INTS8: variants seen among roughly 807,000 people sequenced by gnomAD.
INTS8 encodes integrator complex subunit 8, also known as protein kaonashi-1.
Under a neutral mutation model 138.9 loss-of-function variants are expected in INTS8, and 47 were observed. That is an observed-to-expected ratio of 0.34 (90% CI 0.27 to 0.43). INTS8 has a LOEUF of 0.43. INTS8 is among the 20% of genes least tolerant of loss of function. The pLI, the probability that INTS8 is intolerant of heterozygous loss-of-function variation, is 1.00. For missense variants in INTS8, 996 were observed against 1,173.0 expected, an observed-to-expected ratio of 0.85 and a Z score of 2.20; for synonymous variants, 392 against 400.9, an observed-to-expected ratio of 0.98 and a Z score of 0.27.
chr8:94,856,907 G>C lies in INTS8; in HGVS notation c.1883G>C (p.Gly628Ala). ...LDIHTHEAGT[G>A]QAGERPPSDL... ...ATTCATACACACGAAGCTGGGACAGGGCAGGCAGGAGAGAGACCGCCATCC... is the reference window on the plus strand; with the variant it reads ...ATTCATACACACGAAGCTGGGACAGCGCAGGCAGGAGAGAGACCGCCATCC... Residue 628 changes from glycine (G) to alanine (A), a missense_variant, in exon 15 of 27, where the codon GGG becomes GCG. Gly to Ala is a moderately conservative substitution (Grantham distance 60). Coordinates refer to ENST00000523731, the MANE Select transcript of INTS8 (RefSeq NM_017864.4). The C allele has an allele frequency of 6.2e-7, 1 of 1,614,124 alleles. No individual in the cohort carries two copies. The highest frequency in any genetic ancestry group is 8.5e-7 in the Non-Finnish European group (1 of 1,180,014).
At chr8:94,879,936 A>G (rs894846726) in intron 26 of INTS8, 182 bp from the exon 27 acceptor site, 5 of 435,780 alleles carry the variant, frequency 1.1e-5, no homozygotes, top group African/African-American at 2.1e-5. Flanking sequence ...TCTTTCCTTG[A>G]GAGTGGCCCT....
At position 94,838,590 on chromosome 8, in the gene INTS8, A is replaced by G. The variant is rs770573037; in HGVS notation, c.989A>G (p.His330Arg). 1.0e-4 allele frequency: 162 copies of G among 1,613,116 alleles called. No individual in the cohort carries two copies. Among genetic ancestry groups the G allele is most frequent in the Admixed American group, 7.5e-4 (45 of 59,978 alleles). Reference sequence around the variant, plus strand: ...CAGTTGACTCCATATAGTCAAGTCCATATTTGTTTGAGATCTGGCAACTAT... The same window carrying G: ...CAGTTGACTCCATATAGTCAAGTCCGTATTTGTTTGAGATCTGGCAACTAT... ...SQQLTPYSQV[H>R]ICLRSGNYQE... The change falls in exon 8 of 27, where the codon CAT becomes CGT. Residue 330 changes from histidine (H) to arginine (R), a missense_variant. Coordinates refer to ENST00000523731, the MANE Select transcript of INTS8 (RefSeq NM_017864.4).
At chr8:94,855,137 C>T (rs1815698673) in intron 14 of INTS8, among the ~76,000 whole-genome samples, 1 of 152,074 alleles carries the variant, frequency 6.6e-6, no homozygotes, top group Admixed American at 6.6e-5. Context: ...TTTAAATAAG[C>T]CCTCAAAGTA....
At chr8:94,839,175 C>G (rs1186987233) in intron 8 of INTS8, among the ~76,000 whole-genome samples, 2 of 151,698 alleles carry the variant, frequency 1.3e-5, no homozygotes, top group Non-Finnish European at 2.9e-5. Context: ...CTGTTAGAAA[C>G]AGAGCCCACC....
chr8:94,873,716 C>G, intron 22 of INTS8: 3 of 413,272 alleles, frequency 7.3e-6, no homozygotes, highest in Non-Finnish European at 1.3e-5. Flanking sequence ...TCTGTCTTTA[C>G]CATAAAGTAA....
At chr8:94,861,951 T>C (rs996704309) in intron 16 of INTS8, among the ~76,000 whole-genome samples, 1 of 151,820 alleles carries the variant, frequency 6.6e-6, no homozygotes, top group African/African-American at 2.4e-5. Flanking sequence ...TATCTCTTCT[T>C]TTTTTTGGAG....
chr8:94,871,830 A>G, intron 20 of INTS8, 54 bp from the exon 21 acceptor site: 2 of 972,430 alleles, frequency 2.1e-6, no homozygotes, highest in Non-Finnish European at 3.3e-6. Context: ...ACATGCATGG[A>G]ATTTAAAGTT....
intron 8 of INTS8, among the ~76,000 whole-genome samples, chr8:94,839,044 A>T (rs527992303): frequency 1.3e-5 from 2 of 152,204 alleles, no homozygotes; most frequent in Non-Finnish European, 2.9e-5. Context: ...CAAAACATTA[A>T]GTCTTGTGTC....
At chr8:94,826,315 T>G (rs112956884) in intron 2 of INTS8, among the ~76,000 whole-genome samples, 25,737 of 152,020 alleles carry the variant, frequency 0.17, 2,310 homozygotes, top group Middle Eastern at 0.27. Context: ...GGAGTCTCGC[T>G]CTGTCACCCA....
At chr8:94,836,178 C>T (rs1291227020) in intron 6 of INTS8, among the ~76,000 whole-genome samples, 1 of 152,164 alleles carries the variant, frequency 6.6e-6, no homozygotes, top group African/African-American at 2.4e-5. Flanking sequence ...CTATGGGTGA[C>T]AGGAGCTGTG....
chr8:94,823,524 G>T lies in INTS8; in HGVS notation c.93G>T (p.Glu31Asp). ...QTCWFEFLLEESLLEKHLRKP... is the reference protein window; with the variant it reads ...QTCWFEFLLEDSLLEKHLRKP... The stretch of plus-strand genomic sequence containing the variant: ...GCTGGTTTGAGTTTCTGCTGGAGGA[G>T]TCACTGTTGGAGAAACATCTGCGCA... Residue 31 changes from glutamate (E) to aspartate (D), a missense_variant, in exon 1 of 27, where the codon GAG becomes GAT. Glu to Asp is a conservative substitution (Grantham distance 45, BLOSUM62 2). Coordinates refer to ENST00000523731, the MANE Select transcript of INTS8 (RefSeq NM_017864.4). The T allele has an allele frequency of 1.3e-6, 2 of 1,577,352 alleles. No homozygotes were observed. The highest frequency in any genetic ancestry group is 1.7e-6 in the Non-Finnish European group (2 of 1,162,154).
In INTS8 at chr8:94,825,056, A is replaced by G. The variant is rs781314077; in HGVS notation, c.294A>G (p.Ile98Met). 74 of 1,600,606 alleles carry G rather than the reference A, an allele frequency of 4.6e-5. No homozygotes were observed. Among genetic ancestry groups the G allele is most frequent in the Non-Finnish European group, 6.1e-5 (71 of 1,171,344 alleles). Residue 98 changes from isoleucine (I) to methionine (M), a missense_variant, in exon 2 of 27, where the codon ATA becomes ATG. Ile to Met is a conservative substitution (Grantham distance 10, BLOSUM62 1). Transcript: ENST00000523731. ...VAAHLKWDLD[I>M]LEKSLSVPVL... Reference sequence around the variant, plus strand: ...CACATTTGAAGTGGGACTTAGACATATTAGAGAAAAGGTATCCAAGATTTC... The same window carrying G: ...CACATTTGAAGTGGGACTTAGACATGTTAGAGAAAAGGTATCCAAGATTTC...
intron 5 of INTS8, 62 bp from the exon 6 acceptor site, chr8:94,831,930 A>C: frequency 7.4e-7 from 1 of 1,344,470 alleles, no homozygotes; most frequent in Non-Finnish European, 1.0e-6. Flanking sequence ...GACTGTAAAT[A>C]TTTTTGGTTA....
rs1406056942 is a variant in INTS8 at position 94,836,434 on chromosome 8, T to C, written c.754-90T>C. On this transcript the variant is annotated intron_variant, in intron 6 of 26. Transcript: ENST00000523731. ...GTGTTTTTTTATGTCTTTTTTTCTGTGTTTTCGTGAGATAAAGACAGTTTT... is the reference window on the plus strand; with the variant it reads ...GTGTTTTTTTATGTCTTTTTTTCTGCGTTTTCGTGAGATAAAGACAGTTTT... 4 of 925,690 alleles carry C rather than the reference T, an allele frequency of 4.3e-6. No homozygotes were observed. In the South Asian group the frequency reaches 4.6e-5, roughly 11 times the overall value. The allele number at this position is 925,690 out of a possible 1,614,324, so 57.3% of individuals were successfully genotyped here.
In INTS8 at chr8:94,823,385, G is replaced by A; in HGVS notation, c.-47G>A. ...GGCACCGGCCCGCATCCAAGTGTCA[G>A]GTTGGAGCCGGGAAGCGGCCCTGGT... On this transcript the variant is annotated 5_prime_UTR_variant, in exon 1 of 27. Transcript: ENST00000523731. The A allele has an allele frequency of 6.6e-7, 1 of 1,509,552 alleles. No homozygotes were observed. Among genetic ancestry groups the A allele is most frequent in the Non-Finnish European group, 8.8e-7 (1 of 1,131,950 alleles). The allele number at this position is 1,509,552 out of a possible 1,614,324, so 93.5% of individuals were successfully genotyped here. A position where few individuals can be genotyped will look rare whatever the true frequency, so the allele number is the denominator to read the frequency against.
chr8:94,842,202 G>A (rs1035663030), intron 9 of INTS8, 145 bp from the exon 10 acceptor site: 14 of 451,786 alleles, frequency 3.1e-5, no homozygotes, highest in Non-Finnish European at 5.4e-5. Flanking sequence ...CCCATGATTT[G>A]GTATATATTT....
intron 10 of INTS8, among the ~76,000 whole-genome samples, chr8:94,846,538 T>G (rs1815340042): frequency 6.6e-6 from 1 of 152,212 alleles, no homozygotes; most frequent in African/African-American, 2.4e-5. Flanking sequence ...CCTCCCAGAT[T>G]ACTGGGATTA....
In INTS8 at chr8:94,881,099, G is replaced by C. The variant is rs1816792155; in HGVS notation, c.*865G>C. ...AGAAATTCAAGTTTTATAATAGCTT[G>C]CTATAGCAGCTATAGATAAATTAGT... On this transcript the variant is annotated 3_prime_UTR_variant, in exon 27 of 27. Transcript: ENST00000523731. The C allele has an allele frequency of 5.0e-6, 2 of 396,770 alleles. No individual in the cohort carries two copies. The allele number at this position is 396,770 out of a possible 1,614,324, so 24.6% of individuals were successfully genotyped here. A position where few individuals can be genotyped will look rare whatever the true frequency, so the allele number is the denominator to read the frequency against.
At chr8:94,865,442 T>A in intron 16 of INTS8, 64 bp from the exon 17 acceptor site, 1 of 1,324,024 alleles carries the variant, frequency 7.6e-7, no homozygotes, top group Non-Finnish European at 1.1e-6. Flanking sequence ...TGTGCCTTGA[T>A]AATAGAACTA....
Sources: allele counts gnomAD v4.1 joint callset (sites outside exome capture counted in the v4.1 genomes callset), GRCh38; gene constraint gnomAD v4.1.1; transcripts MANE v1.5; gene names NCBI Gene and HGNC (gene_info 2026-07-23, HGNC 2026-07-21).